SLAIN2: variants seen among roughly 807,000 people sequenced by gnomAD.
The protein encoded by SLAIN2 is SLAIN family member 2, also known as SLAIN motif-containing protein 2.
SLAIN2 carries 31 observed loss-of-function variants against 56.6 expected under a neutral mutation model. That is an observed-to-expected ratio of 0.55 (90% confidence interval 0.41 to 0.74). SLAIN2 has a LOEUF of 0.74. Among genes scored for constraint, SLAIN2 ranks in the 30% least tolerant of loss-of-function variants. SLAIN2 has a pLI of 0.00. For missense variants in SLAIN2, 777 were observed against 754.2 expected, an observed-to-expected ratio of 1.03 and a Z score of -0.35; for synonymous variants, 317 against 284.9, an observed-to-expected ratio of 1.11 and a Z score of -1.13.
chr4:48,412,352 ATGTT>A (rs1716878837), intron 6 of SLAIN2, among the ~76,000 whole-genome samples: 1 of 143,252 alleles, frequency 7.0e-6, no homozygotes, highest in Non-Finnish European at 1.5e-5. Flanking sequence ...CCTGTAATGT[ATGTT>A]TGTATATGTA....
intron 6 of SLAIN2, among the ~76,000 whole-genome samples, chr4:48,414,206 A>C (rs188199494): frequency 8.1e-4 from 124 of 152,304 alleles, no homozygotes; most frequent in Non-Finnish European, 7.8e-4. Context: ...AAAAAGAGTA[A>C]AGAGAAATTA....
At chr4:48,366,856 A>G (rs978209564) in intron 1 of SLAIN2, among the ~76,000 whole-genome samples, 2 of 151,996 alleles carry the variant, frequency 1.3e-5, no homozygotes, top group Non-Finnish European at 2.9e-5. Context: ...TTAAATCTCA[A>G]CCTGTTTTAG....
intron 1 of SLAIN2, among the ~76,000 whole-genome samples, chr4:48,365,444 CAA>C (rs34317951): frequency 0.026 from 1,488 of 56,886 alleles, 16 homozygotes; most frequent in African/African-American, 0.09. Flanking sequence ...GACTCCATCT[CAA>C]AAAAAAAAAA....
chr4:48,373,874 C>T (rs1224985492), intron 2 of SLAIN2, among the ~76,000 whole-genome samples: 2 of 152,096 alleles, frequency 1.3e-5, no homozygotes, highest in African/African-American at 4.8e-5. Flanking sequence ...AACCCTGTCT[C>T]TACTAAAAAT....
intron 1 of SLAIN2, among the ~76,000 whole-genome samples, chr4:48,363,339 C>T (rs1307954331): frequency 9.0e-4 from 65 of 72,328 alleles, no homozygotes; most frequent in African/African-American, 2.7e-3. Context: ...TAGGGGCGGC[C>T]GGGCAGAGGC....
chr4:48,365,244 G>A (rs913736443), intron 1 of SLAIN2, among the ~76,000 whole-genome samples: 15 of 151,716 alleles, frequency 9.9e-5, no homozygotes, highest in Middle Eastern at 3.4e-3. Context: ...TGAGGCAGAC[G>A]AATCACTTGA....
intron 3 of SLAIN2, among the ~76,000 whole-genome samples, chr4:48,378,935 C>T (rs144842236): frequency 6.6e-5 from 10 of 152,238 alleles, no homozygotes; most frequent in Middle Eastern, 3.4e-3. Flanking sequence ...ACATGCTTTT[C>T]ATGTTGGAGC....
chr4:48,363,749 AC>A (rs542545126), intron 1 of SLAIN2, among the ~76,000 whole-genome samples: 26,396 of 62,640 alleles, frequency 0.42, 5,022 homozygotes, highest in Non-Finnish European at 0.5. Flanking sequence ...CGGGGGGCTG[AC>A]CCCCCCCACC....
rs1355429450 is a variant in SLAIN2, at chr4:48,363,796, G to C, written c.390-6053G>C. 2.3e-5 allele frequency among the ~76,000 whole-genome samples: 3 copies of C among 132,692 alleles called. No homozygotes were observed. In the South Asian group the frequency reaches 8.0e-4, roughly 35 times the overall value. The allele number at this position is 132,692 out of a possible 152,430, so 87.1% of individuals were successfully genotyped here. On this transcript the variant is annotated intron_variant, in intron 1 of 7. Coordinates refer to ENST00000264313, the MANE Select transcript of SLAIN2 (RefSeq NM_020846.2). ...ACGGGGCGGCTGGCCGGGTGGGGGG[G>C]CTGACCCCCGCATCTCCCTCCCGGA...
intron 2 of SLAIN2, among the ~76,000 whole-genome samples, chr4:48,375,421 AAACCAGAC>A (rs1316610497): frequency 1.3e-5 from 2 of 152,250 alleles, no homozygotes; most frequent in Non-Finnish European, 2.9e-5. Flanking sequence ...ACCAGTAGGC[AAACCAGAC>A]ATTTCATTCA....
chr4:48,358,741 A>T (rs1715236657), intron 1 of SLAIN2, among the ~76,000 whole-genome samples: 1 of 150,724 alleles, frequency 6.6e-6, no homozygotes, highest in South Asian at 2.1e-4. Context: ...TTTTTTTGAG[A>T]TGGAGTTTCA....
At position 48,422,906 on chromosome 4, in the gene SLAIN2, A is replaced by G. The variant is rs1717198422; in HGVS notation, c.*829A>G. On this transcript the variant is annotated 3_prime_UTR_variant, in exon 8 of 8. Coordinates refer to ENST00000264313, the MANE Select transcript of SLAIN2 (RefSeq NM_020846.2). ...TTGCTATTGAAGCCAACTTCTTCAC[A>G]TGCTGTTATCTTTACAGAACTAAGA... 1 of 152,232 alleles carries G rather than the reference A, an allele frequency of 6.6e-6. No individual in the cohort carries two copies. The highest frequency in any genetic ancestry group is 1.5e-5 in the Non-Finnish European group (1 of 68,038). 9.4% of individuals were successfully genotyped at this position (152,232 alleles called of 1,614,324 possible).
At chr4:48,395,478 G>A (rs969666561) in intron 6 of SLAIN2, among the ~76,000 whole-genome samples, 6 of 151,534 alleles carry the variant, frequency 4.0e-5, no homozygotes, top group African/African-American at 2.4e-5. Flanking sequence ...ATTTGGTTAC[G>A]TTTACAAAAG....
At chr4:48,401,662 GTAT>G (rs1340742204) in intron 6 of SLAIN2, among the ~76,000 whole-genome samples, 3 of 152,102 alleles carry the variant, frequency 2.0e-5, no homozygotes, top group African/African-American at 7.2e-5. Context: ...TTTTCAGCCT[GTAT>G]GTGTCTTTGC....
chr4:48,356,644 C>T (rs1230045232), intron 1 of SLAIN2, among the ~76,000 whole-genome samples: 2 of 152,174 alleles, frequency 1.3e-5, no homozygotes, highest in African/African-American at 4.8e-5. Context: ...GTTGGTCTCA[C>T]TGTAACTAGT....
At chr4:48,360,153 CAA>C (rs34874508) in intron 1 of SLAIN2, among the ~76,000 whole-genome samples, 9 of 119,690 alleles carry the variant, frequency 7.5e-5, no homozygotes, top group Admixed American at 2.6e-4. Context: ...GACTCTGTCT[CAA>C]AAAAAAAAAA....
At chr4:48,400,117 G>C (rs1487521585) in intron 6 of SLAIN2, among the ~76,000 whole-genome samples, 5 of 152,112 alleles carry the variant, frequency 3.3e-5, no homozygotes, top group Non-Finnish European at 5.9e-5. Context: ...ATTCAGCTGT[G>C]AATCTGTCTG....
chr4:48,372,826 A>T (rs1715704737), intron 2 of SLAIN2, among the ~76,000 whole-genome samples: 1 of 152,196 alleles, frequency 6.6e-6, no homozygotes, highest in African/African-American at 2.4e-5. Context: ...TTTAAGGAAA[A>T]ATTTTGGCTT....
At chr4:48,367,271 TTC>T (rs1715544777) in intron 1 of SLAIN2, among the ~76,000 whole-genome samples, 1 of 152,220 alleles carries the variant, frequency 6.6e-6, no homozygotes, top group East Asian at 1.9e-4. Flanking sequence ...CGCCCTTTGT[TTC>T]TAGACTTCAG....
Sources: allele counts gnomAD v4.1 joint callset (sites outside exome capture counted in the v4.1 genomes callset), GRCh38; gene constraint gnomAD v4.1.1; transcripts MANE v1.5; gene names NCBI Gene and HGNC (gene_info 2026-07-23, HGNC 2026-07-21).